The following DLGAP2 variants were observed in gnomAD, a reference collection of about 807,000 sequenced individuals.
DLGAP2 encodes DLG associated protein 2.
Under a neutral mutation model 100.3 loss-of-function variants are expected in DLGAP2, and 26 were observed. That is an observed-to-expected ratio of 0.26 (90% CI 0.19 to 0.36). The LOEUF (loss-of-function observed/expected upper bound fraction) is 0.36. DLGAP2 is among the 10% of genes least tolerant of loss of function. The pLI is 1.00. For missense variants in DLGAP2, 1,858 were observed against 1,453.2 expected, an observed-to-expected ratio of 1.28 and a Z score of -4.53; for synonymous variants, 886 against 630.1, an observed-to-expected ratio of 1.41 and a Z score of -6.08.
intron 2 of DLGAP2, among the ~76,000 whole-genome samples, chr8:1,193,102 T>G (rs550440185): frequency 1.1e-4 from 17 of 152,244 alleles, no homozygotes; most frequent in Non-Finnish European, 4.4e-5. Context: ...TTCCAAGTCT[T>G]TGCTATGGTG....
At chr8:945,269 C>T (rs1301749756) in intron 2 of DLGAP2, among the ~76,000 whole-genome samples, 1 of 152,208 alleles carries the variant, frequency 6.6e-6, no homozygotes, top group East Asian at 1.9e-4. Flanking sequence ...GCACTCCTGT[C>T]TATGTCCTCC....
At chr8:1,530,470 C>T (rs886729448) in intron 4 of DLGAP2, among the ~76,000 whole-genome samples, 3 of 152,130 alleles carry the variant, frequency 2.0e-5, no homozygotes, top group African/African-American at 7.2e-5. Flanking sequence ...CTCAAACACA[C>T]ATGCTGTACA....
intron 1 of DLGAP2, chr8:893,020 C>T (rs1798067936): frequency 6.6e-6 from 1 of 151,996 alleles, no homozygotes; most frequent in African/African-American, 2.4e-5. Flanking sequence ...TCTGGACTCA[C>T]AGAAGTACTT....
At chr8:1,133,458 A>G in intron 2 of DLGAP2, among the ~76,000 whole-genome samples, 1 of 152,164 alleles carries the variant, frequency 6.6e-6, no homozygotes, top group East Asian at 1.9e-4. Context: ...TGCTTTTAGA[A>G]GGGACTTAGA....
At chr8:988,289 A>C (rs1223042696) in intron 2 of DLGAP2, among the ~76,000 whole-genome samples, 1 of 152,210 alleles carries the variant, frequency 6.6e-6, no homozygotes, top group Non-Finnish European at 1.5e-5. Flanking sequence ...AAAAGCAAAT[A>C]GATTTTAGCT....
chr8:947,308 T>A (rs116124823), intron 2 of DLGAP2, among the ~76,000 whole-genome samples: 3,250 of 152,162 alleles, frequency 0.021, 129 homozygotes, highest in African/African-American at 0.074. Flanking sequence ...GTTTGGGCCC[T>A]GGGGACGGGG....
intron 2 of DLGAP2, among the ~76,000 whole-genome samples, chr8:1,044,600 T>C (rs1379539711): frequency 2.0e-5 from 3 of 152,358 alleles, no homozygotes; most frequent in East Asian, 3.9e-4. Context: ...CTCCAGACAG[T>C]TGTTTCTCCC....
chr8:1,618,820 C>A (rs1395110438), intron 6 of DLGAP2, among the ~76,000 whole-genome samples: 4 of 152,132 alleles, frequency 2.6e-5, no homozygotes, highest in Admixed American at 6.5e-5. Flanking sequence ...TTGTTGGGGG[C>A]CCTCTGTGCA....
intron 3 of DLGAP2, among the ~76,000 whole-genome samples, chr8:1,444,759 AGCCAGGTCAT>A (rs1426905874): frequency 7.3e-6 from 1 of 137,248 alleles, no homozygotes; most frequent in African/African-American, 2.7e-5. Flanking sequence ...TCATGCTTTG[AGCCAGGTCAT>A]TCTTTTTTTT....
chr8:1,219,344 C>T lies in DLGAP2; in HGVS notation c.74-39507C>T, dbSNP rs117487918. On this transcript the variant is annotated intron_variant, in intron 2 of 14. Coordinates refer to ENST00000637795, the MANE Select transcript of DLGAP2 (RefSeq NM_001346810.2). ...AACATGAAAGGATGTTGAATTCTAT[C>T]GAAAGCCTTTTCTGCATCTATTAAG... Among the ~76,000 whole-genome samples the T allele has an allele frequency of 5.8e-4, 88 of 152,206 alleles. 1 individual carries two copies. In the East Asian group the frequency reaches 0.014, roughly 25 times the overall value.
At chr8:1,501,324 C>A (rs1039638987) in intron 3 of DLGAP2, 42 bp from the exon 4 acceptor site, 4 of 1,532,384 alleles carry the variant, frequency 2.6e-6, no homozygotes, top group South Asian at 1.2e-5. Flanking sequence ...GCAGTCTACA[C>A]CAGAAACGCA....
rs1799564814 is a variant in DLGAP2, at chr8:1,701,386, G to C, written c.3148G>C (p.Glu1050Gln). 2 of 1,595,456 alleles carry C rather than the reference G, an allele frequency of 1.3e-6. No homozygotes were observed. The highest frequency in any genetic ancestry group is 1.7e-6 in the Non-Finnish European group (2 of 1,172,136). The change falls in exon 15 of 15, where the codon GAG (glutamate) becomes CAG (glutamine). Residue 1050 changes from glutamate (E) to glutamine (Q), a missense_variant. Glu to Gln is a conservative substitution (Grantham distance 29). Coordinates refer to ENST00000637795, the MANE Select transcript of DLGAP2 (RefSeq NM_001346810.2). The part of the protein sequence containing the change: ...RADSIEIYIP[E>Q]AQTRL ...GGACAGCATCGAGATCTACATCCCC[G>C]AGGCCCAGACCCGGCTCTGAGGGCG...
intron 4 of DLGAP2, among the ~76,000 whole-genome samples, chr8:1,530,716 T>G (rs1800961659): frequency 6.6e-6 from 1 of 152,238 alleles, no homozygotes; most frequent in African/African-American, 2.4e-5. Context: ...CATGAAATCT[T>G]CACAATCCAC....
chr8:1,469,599 T>A (rs1427299659), intron 3 of DLGAP2, among the ~76,000 whole-genome samples: 2 of 152,190 alleles, frequency 1.3e-5, no homozygotes, highest in Admixed American at 1.3e-4. Flanking sequence ...ATTCGTATTT[T>A]CACTGGCAGC....
intron 2 of DLGAP2, among the ~76,000 whole-genome samples, chr8:1,212,977 T>C (rs1314522262): frequency 6.6e-6 from 1 of 152,118 alleles, no homozygotes; most frequent in Non-Finnish European, 1.5e-5. Context: ...ATTTATTATA[T>C]GCCATTGTTG....
At chr8:1,356,401 A>G (rs1801851929) in intron 3 of DLGAP2, among the ~76,000 whole-genome samples, 2 of 152,212 alleles carry the variant, frequency 1.3e-5, no homozygotes, top group South Asian at 2.1e-4. Context: ...AACCAGAAAA[A>G]TAAAACCATG....
chr8:912,474 G>C (rs747884376), intron 2 of DLGAP2, among the ~76,000 whole-genome samples: 9 of 152,182 alleles, frequency 5.9e-5, no homozygotes, highest in Non-Finnish European at 8.8e-5. Context: ...GAGAGGGTGG[G>C]TGGGGAGGCC....
intron 4 of DLGAP2, among the ~76,000 whole-genome samples, chr8:1,524,245 A>C (rs1347398345): frequency 1.3e-5 from 2 of 151,994 alleles, no homozygotes; most frequent in Admixed American, 6.6e-5. Context: ...GGAGGAAGGG[A>C]CCCTGTTCCT....
intron 1 of DLGAP2, among the ~76,000 whole-genome samples, chr8:841,596 G>A (rs187813976): frequency 6.6e-6 from 1 of 151,924 alleles, no homozygotes; most frequent in South Asian, 2.1e-4. Flanking sequence ...TTTGAGATGA[G>A]GTCTTGCTAT....
Sources: allele counts gnomAD v4.1 joint callset (sites outside exome capture counted in the v4.1 genomes callset), GRCh38; gene constraint gnomAD v4.1.1; transcripts MANE v1.5; gene names NCBI Gene and HGNC (gene_info 2026-07-23, HGNC 2026-07-21).